The following SCML4 variants were observed in gnomAD, a reference collection of about 807,000 sequenced individuals.
The protein encoded by SCML4 is Scm polycomb group protein like 4.
SCML4 carries 34 observed loss-of-function variants against 41.1 expected under a neutral mutation model. The ratio of observed to expected loss-of-function variants is 0.83; its 90% CI spans 0.63 to 1.10. SCML4 has a LOEUF of 1.10. Among genes scored for constraint, SCML4 ranks in the 50% least tolerant of loss-of-function variants. The probability of loss-of-function intolerance (pLI) is 0.00; values close to 1 mark genes in which losing one functional copy is unlikely to be tolerated. For synonymous variants in SCML4, 214 were observed against 220.9 expected (o/e 0.97, Z 0.28); for missense variants, 522 against 534.1 (o/e 0.98, Z 0.22).
intron 7 of SCML4, among the ~76,000 whole-genome samples, chr6:107,707,006 A>T (rs749632595): frequency 2.0e-5 from 3 of 152,148 alleles, no homozygotes; most frequent in African/African-American, 4.8e-5. Flanking sequence ...TGTGTGAGGC[A>T]ACTACGTTGG....
In SCML4 at chr6:107,703,749, G is replaced by A. The variant is rs925571195; in HGVS notation, c.*1451C>T. On this transcript the variant is annotated 3_prime_UTR_variant, in exon 8 of 8. Coordinates refer to ENST00000369020, the MANE Select transcript of SCML4 (RefSeq NM_198081.5). ...TTTTCTGATTCACCTTTGGGCGAAG[G>A]GAGGCCCTGAGTCATCCCTAACCCT... is the stretch of plus-strand genomic sequence containing the variant. 1.3e-5 allele frequency among the ~76,000 whole-genome samples: 2 copies of A among 152,184 alleles called. No homozygotes were observed. Among genetic ancestry groups the A allele is most frequent in the South Asian group, 4.1e-4 (2 of 4,832 alleles).
At chr6:107,763,945 C>T (rs1289533410) in intron 2 of SCML4, among the ~76,000 whole-genome samples, 1 of 152,258 alleles carries the variant, frequency 6.6e-6, no homozygotes, top group African/African-American at 2.4e-5. Flanking sequence ...GGAAGACTAG[C>T]TTTGTCCATG....
At chr6:107,801,914 G>A (rs560758773) in intron 1 of SCML4, among the ~76,000 whole-genome samples, 3 of 150,890 alleles carry the variant, frequency 2.0e-5, no homozygotes, top group Admixed American at 6.6e-5. Flanking sequence ...ACAGACACCC[G>A]CTACCACACC....
chr6:107,838,989 T>C, the SCML4 span, among the ~76,000 whole-genome samples: 1 of 152,000 alleles, frequency 6.6e-6, no homozygotes, highest in East Asian at 1.9e-4. Context: ...AATAACAGTA[T>C]ATGCTGGTTA....
At chr6:107,759,255 G>A (rs1452514229) in intron 2 of SCML4, among the ~76,000 whole-genome samples, 1 of 151,992 alleles carries the variant, frequency 6.6e-6, no homozygotes, top group East Asian at 1.9e-4. Flanking sequence ...GCTTGAGCCT[G>A]GGAGGCGGAG....
intron 2 of SCML4, among the ~76,000 whole-genome samples, chr6:107,760,808 A>G (rs543862258): frequency 1.3e-5 from 2 of 152,326 alleles, no homozygotes; most frequent in African/African-American, 4.8e-5. Context: ...TCGAACTTAG[A>G]TTATAAAAAC....
rs1177216419 is a variant in SCML4 at position 107,772,277 on chromosome 6, G to C, written c.51C>G (p.His17Gln). ...GAACTGCCATCTTCATAGGCGTGGA[G>C]TGAAGTGAGGGTCGGCCTCGCTTTC... The part of the protein sequence containing the change: ...PGRKRGRPSL[H>Q]STPMKMAVHN... The change falls in exon 2 of 8, where the codon CAC (histidine) becomes CAG (glutamine). Residue 17 changes from histidine (H) to glutamine (Q), a missense_variant. His to Gln is a conservative substitution (Grantham distance 24, BLOSUM62 0). Transcript: ENST00000369020. 1.9e-6 allele frequency: 3 copies of C among 1,551,794 alleles called. No individual in the cohort carries two copies. Among genetic ancestry groups the C allele is most frequent in the Admixed American group, 3.9e-5 (2 of 51,000 alleles).
At chr6:107,728,375 C>A (rs1386408002) in intron 5 of SCML4, among the ~76,000 whole-genome samples, 2 of 152,096 alleles carry the variant, frequency 1.3e-5, no homozygotes, top group Non-Finnish European at 1.5e-5. Context: ...CTTTGGGAGG[C>A]GAAGGTGGGC....
chr6:107,795,086 G>C (rs1344279939), intron 1 of SCML4, among the ~76,000 whole-genome samples: 1 of 152,116 alleles, frequency 6.6e-6, no homozygotes, highest in African/African-American at 2.4e-5. Flanking sequence ...TGAGTTTCTA[G>C]GTGGACATGA....
At chr6:107,804,083 G>C (rs772033396) in intron 1 of SCML4, among the ~76,000 whole-genome samples, 1 of 129,620 alleles carries the variant, frequency 7.7e-6, no homozygotes, top group African/African-American at 2.8e-5. Flanking sequence ...AAAAAAAAAA[G>C]AGCATTGGCT....
At chr6:107,819,059 A>AG (rs143350424) in intron 1 of SCML4, among the ~76,000 whole-genome samples, 29,363 of 152,204 alleles carry the variant, frequency 0.19, 3,142 homozygotes, top group South Asian at 0.26. Flanking sequence ...ATGAGCTGAC[A>AG]GCTGTATGGT....
rs548340519 is a variant in SCML4, at chr6:107,750,947, CT to C, written c.157-1135del. On this transcript the variant is annotated intron_variant, in intron 2 of 7. Transcript: ENST00000369020. ...CGTCCTGGATTTTTAGGATAGAATA[CT>C]AATAATAGTCATGGAGAAATAGTAT... is the stretch of plus-strand genomic sequence containing the variant. 7.9e-5 allele frequency among the ~76,000 whole-genome samples: 12 copies of C among 152,302 alleles called. No homozygotes were observed. The East Asian group carries it at 2.3e-3, about 29-fold the overall frequency.
intron 1 of SCML4, among the ~76,000 whole-genome samples, chr6:107,819,075 T>C (rs771484737): frequency 2.0e-5 from 3 of 152,270 alleles, no homozygotes; most frequent in South Asian, 2.1e-4. Flanking sequence ...ATGGTACTCA[T>C]AGCTATTACT....
At chr6:107,738,940 A>G (rs943350354) in intron 5 of SCML4, among the ~76,000 whole-genome samples, 3 of 152,150 alleles carry the variant, frequency 2.0e-5, no homozygotes, top group Non-Finnish European at 4.4e-5. Context: ...GTCACCAACA[A>G]TGGGGAGATC....
the SCML4 span, among the ~76,000 whole-genome samples, chr6:107,830,439 T>C: frequency 6.6e-6 from 1 of 152,198 alleles, no homozygotes; most frequent in Non-Finnish European, 1.5e-5. Context: ...AGGGGTTGGA[T>C]GGGTGAGGGC....
intron 1 of SCML4, among the ~76,000 whole-genome samples, chr6:107,806,367 C>T (rs951660886): frequency 1.3e-5 from 2 of 152,246 alleles, no homozygotes; most frequent in African/African-American, 4.8e-5. Context: ...CTTTGTGTCT[C>T]TGCACATCGG....
intron 1 of SCML4, among the ~76,000 whole-genome samples, chr6:107,795,049 G>A (rs1037509594): frequency 6.6e-6 from 1 of 152,036 alleles, no homozygotes; most frequent in Non-Finnish European, 1.5e-5. Flanking sequence ...GTCAGCAAAG[G>A]TTCCATTTCC....
the SCML4 span, among the ~76,000 whole-genome samples, chr6:107,839,770 T>C: frequency 6.6e-6 from 1 of 152,184 alleles, no homozygotes; most frequent in Admixed American, 6.5e-5. Flanking sequence ...AATATTCTTC[T>C]TTATAGAGAT....
intron 1 of SCML4, among the ~76,000 whole-genome samples, chr6:107,812,597 C>G (rs1046419013): frequency 1.3e-5 from 2 of 152,182 alleles, no homozygotes; most frequent in Non-Finnish European, 2.9e-5. Context: ...GGACTTCACC[C>G]AATCCATCGA....
Sources: allele counts gnomAD v4.1 joint callset (sites outside exome capture counted in the v4.1 genomes callset), GRCh38; gene constraint gnomAD v4.1.1; transcripts MANE v1.5; gene names NCBI Gene and HGNC (gene_info 2026-07-23, HGNC 2026-07-21).